Variants in ZBTB20 observed in about 807,000 individuals in gnomAD.
ZBTB20 encodes the protein zinc finger and BTB domain containing 20.
Under a neutral mutation model 56.9 loss-of-function variants are expected in ZBTB20, and 9 were observed. The ratio of observed to expected loss-of-function variants is 0.16; its 90% confidence interval spans 0.10 to 0.28. The LOEUF is 0.28. Among genes scored for constraint, ZBTB20 ranks in the 10% least tolerant of loss-of-function variants. The pLI is 1.00. For synonymous variants in ZBTB20, 417 were observed against 420.7 expected (o/e 0.99, Z 0.11); for missense variants, 655 against 1,003.0 (o/e 0.65, Z 4.69).
At chr3:114,477,401 C>T (rs2109323604) in intron 7 of ZBTB20, among the ~76,000 whole-genome samples, 1 of 151,108 alleles carries the variant, frequency 6.6e-6, no homozygotes, top group South Asian at 2.1e-4. Context: ...TTAATGTGCC[C>T]AAAAGGACAC....
intron 2 of ZBTB20, among the ~76,000 whole-genome samples, chr3:115,064,608 C>A (rs891285082): frequency 2.0e-5 from 3 of 151,920 alleles, no homozygotes; most frequent in Non-Finnish European, 4.4e-5. Flanking sequence ...TGTGCCAACA[C>A]ACCCAGCTAG....
chr3:114,747,395 C>T (rs1338311663), intron 5 of ZBTB20, among the ~76,000 whole-genome samples: 2 of 151,842 alleles, frequency 1.3e-5, no homozygotes, highest in Admixed American at 6.6e-5. Context: ...GTGAAACCCT[C>T]TCTCTACTAA....
chr3:114,943,318 A>G (rs1211178143), intron 3 of ZBTB20, among the ~76,000 whole-genome samples: 1 of 145,702 alleles, frequency 6.9e-6, no homozygotes, highest in Non-Finnish European at 1.5e-5. Flanking sequence ...ATATAATACC[A>G]TACAAAACAC....
intron 7 of ZBTB20, among the ~76,000 whole-genome samples, chr3:114,478,338 T>C (rs774487598): frequency 1.3e-5 from 2 of 152,232 alleles, no homozygotes; most frequent in Non-Finnish European, 2.9e-5. Context: ...GGTCCAATTT[T>C]GGATGTTTAA....
chr3:114,887,271 C>T (rs1008871029), intron 4 of ZBTB20, among the ~76,000 whole-genome samples: 48 of 152,128 alleles, frequency 3.2e-4, no homozygotes, highest in African/African-American at 1.1e-3. Context: ...AAAATTCAAA[C>T]CATAGCAGTG....
chr3:114,435,999 T>C (rs1384555405), intron 7 of ZBTB20, among the ~76,000 whole-genome samples: 1 of 152,116 alleles, frequency 6.6e-6, no homozygotes, highest in Non-Finnish European at 1.5e-5. Flanking sequence ...GTGTTTGAAG[T>C]TCACCCTTTT....
chr3:114,808,038 G>A (rs1235741521), intron 4 of ZBTB20, among the ~76,000 whole-genome samples: 2 of 152,040 alleles, frequency 1.3e-5, no homozygotes, highest in Non-Finnish European at 2.9e-5. Flanking sequence ...TCTATTTCTA[G>A]AAAAGTTTGT....
intron 10 of ZBTB20, among the ~76,000 whole-genome samples, chr3:114,355,866 C>T (rs1442680372): frequency 6.7e-6 from 1 of 149,680 alleles, no homozygotes; most frequent in African/African-American, 2.4e-5. Flanking sequence ...ACCCAAACCC[C>T]AACCCTATCA....
At chr3:114,668,061 T>C (rs963187844) in intron 6 of ZBTB20, among the ~76,000 whole-genome samples, 1 of 152,104 alleles carries the variant, frequency 6.6e-6, no homozygotes, top group African/African-American at 2.4e-5. Context: ...ATTAAATATG[T>C]AATCCTTTCT....
rs145074994 is a variant in ZBTB20, at chr3:115,117,090, A to G, written c.-703+30129T>C. On this transcript the variant is annotated intron_variant, in intron 1 of 11. Coordinates refer to ENST00000675478, the MANE Select transcript of ZBTB20 (RefSeq NM_001348800.3). ...CAAATTCTATTATACTGTTGCAGAAAGTGCAGAAAGGGTAACACTCTCCAG... is the reference window on the plus strand; with the variant it reads ...CAAATTCTATTATACTGTTGCAGAAGGTGCAGAAAGGGTAACACTCTCCAG... Among the ~76,000 whole-genome samples the G allele has an allele frequency of 5.2e-3, 788 of 152,262 alleles. 9 individuals carry two copies. The highest frequency in any genetic ancestry group is 0.018 in the African/African-American group (729 of 41,568).
At chr3:114,888,104 AAAAG>A (rs1198309663) in intron 4 of ZBTB20, among the ~76,000 whole-genome samples, 6 of 151,838 alleles carry the variant, frequency 4.0e-5, no homozygotes, top group South Asian at 2.1e-4. Context: ...TAAAAAAAAA[AAAAG>A]AAAGAAAGAA....
At chr3:114,888,885 G>C (rs571029647) in intron 4 of ZBTB20, among the ~76,000 whole-genome samples, 3 of 152,066 alleles carry the variant, frequency 2.0e-5, no homozygotes, top group African/African-American at 4.8e-5. Flanking sequence ...TTTACTTTCT[G>C]TGCATATTTT....
At chr3:115,111,224 T>C (rs1238224167) in intron 1 of ZBTB20, among the ~76,000 whole-genome samples, 1 of 152,024 alleles carries the variant, frequency 6.6e-6, no homozygotes, top group African/African-American at 2.4e-5. Flanking sequence ...TAAACCTATG[T>C]GAAATTTGAA....
rs1031611828 is a variant in ZBTB20 at position 115,105,820 on chromosome 3, TTTTG to T, written c.-702-34410_-702-34407del. Reference sequence around the variant, plus strand: ...GTAAAGGATTTGTGTATTTTGGGGGTTTTGTTTGTTTGTTTGTTTTTTGAGACAG... The same window carrying T: ...GTAAAGGATTTGTGTATTTTGGGGGTTTTGTTTGTTTGTTTTTTGAGACAG... On this transcript the variant is annotated intron_variant, in intron 1 of 11. Transcript: ENST00000675478. Among the ~76,000 whole-genome samples the T allele has an allele frequency of 9.3e-4, 141 of 151,398 alleles. 1 individual carries two copies. The highest frequency in any genetic ancestry group is 3.0e-3 in the African/African-American group (124 of 41,244).
chr3:114,815,257 A>G (rs2072834497), intron 4 of ZBTB20, among the ~76,000 whole-genome samples: 1 of 152,238 alleles, frequency 6.6e-6, no homozygotes, highest in Non-Finnish European at 1.5e-5. Context: ...AATTATCTAC[A>G]GGTAGGCTAT....
chr3:114,599,727 T>C (rs996861119), intron 6 of ZBTB20, among the ~76,000 whole-genome samples: 1 of 151,970 alleles, frequency 6.6e-6, no homozygotes, highest in African/African-American at 2.4e-5. Flanking sequence ...TCCCATTTTA[T>C]AGATGAGAAA....
intron 1 of ZBTB20, among the ~76,000 whole-genome samples, chr3:115,096,410 T>A (rs990663557): frequency 1.3e-5 from 2 of 152,218 alleles, no homozygotes; most frequent in African/African-American, 4.8e-5. Context: ...ATTTTACTTA[T>A]GTTTTACAGT....
chr3:114,389,686 G>A (rs113958810), intron 7 of ZBTB20, among the ~76,000 whole-genome samples: 6,073 of 151,054 alleles, frequency 0.04, 164 homozygotes, highest in Non-Finnish European at 0.058. Flanking sequence ...TCAGGAGATC[G>A]AGACCATCCC....
chr3:114,745,184 G>C (rs1376664260), intron 5 of ZBTB20, among the ~76,000 whole-genome samples: 1 of 152,084 alleles, frequency 6.6e-6, no homozygotes, highest in Non-Finnish European at 1.5e-5. Flanking sequence ...GTAGGATTTC[G>C]TTGTTTGTTG....
Sources: gnomAD v4.1 joint callset for allele counts (sites outside exome capture counted in the v4.1 genomes callset) on GRCh38, gnomAD v4.1.1 for gene constraint, MANE v1.5 for transcripts, NCBI Gene and HGNC (gene_info 2026-07-23, HGNC 2026-07-21) for gene names.